Variants in KIAA1549 observed in about 807,000 individuals in gnomAD.
The protein encoded by KIAA1549 is UPF0606 protein KIAA1549.
Under a neutral mutation model 156.4 loss-of-function variants are expected in KIAA1549, and 70 were observed. The observed-to-expected ratio is 0.45, with a 90% CI of 0.37 to 0.55. The LOEUF is 0.55. KIAA1549 is among the 20% of genes least tolerant of loss of function. The probability of loss-of-function intolerance (pLI) is 0.00; values close to 1 mark genes in which losing one functional copy is unlikely to be tolerated. For synonymous variants in KIAA1549, 1,103 were observed against 1,066.4 expected, an observed-to-expected ratio of 1.03 and a Z score of -0.67; for missense variants, 2,428 against 2,540.9, an observed-to-expected ratio of 0.96 and a Z score of 0.96.
intron 1 of KIAA1549, among the ~76,000 whole-genome samples, chr7:138,966,745 A>T (rs1269878412): frequency 6.6e-6 from 1 of 152,070 alleles, no homozygotes. Flanking sequence ...CACACCCAGG[A>T]TCAATACTTT....
intron 17 of KIAA1549, among the ~76,000 whole-genome samples, chr7:138,847,491 T>G (rs1436115043): frequency 6.6e-6 from 1 of 152,242 alleles, no homozygotes; most frequent in African/African-American, 2.4e-5. Context: ...TACTTGGGTG[T>G]GACTTCTGGT....
chr7:138,889,750 T>C (rs968149784), intron 10 of KIAA1549, among the ~76,000 whole-genome samples: 2 of 152,262 alleles, frequency 1.3e-5, no homozygotes, highest in Admixed American at 1.3e-4. Context: ...CATCACCTTC[T>C]ATACCAATAG....
At chr7:138,841,131 G>A (rs550362703) in intron 18 of KIAA1549, among the ~76,000 whole-genome samples, 1 of 152,242 alleles carries the variant, frequency 6.6e-6, no homozygotes, top group East Asian at 1.9e-4. Context: ...ACAAGGAGCA[G>A]CTCATTTATT....
rs150261613 is a variant in KIAA1549, at chr7:138,871,593, G to A, written c.4346-231C>T. On this transcript the variant is annotated intron_variant, in intron 12 of 19. Coordinates refer to ENST00000422774, the MANE Select transcript of KIAA1549 (RefSeq NM_001164665.2). ...AATTACAAGTACCCTAAGAAGAGAC[G>A]TGAGGAAATCATTATGATACTGTGT... is the stretch of plus-strand genomic sequence containing the variant. Among the ~76,000 whole-genome samples, 797 of 152,306 alleles carry A rather than the reference G, an allele frequency of 5.2e-3. 9 individuals are homozygous for A. Among genetic ancestry groups the A allele is most frequent in the African/African-American group, 0.018 (758 of 41,548 alleles).
At chr7:138,896,634 A>C (rs1811692164) in intron 9 of KIAA1549, among the ~76,000 whole-genome samples, 2 of 150,774 alleles carry the variant, frequency 1.3e-5, no homozygotes, top group Admixed American at 1.3e-4. Flanking sequence ...TCACTCTATC[A>C]CTCAGGCTAG....
At chr7:138,941,452 G>A (rs1407809054) in intron 1 of KIAA1549, among the ~76,000 whole-genome samples, 1 of 152,188 alleles carries the variant, frequency 6.6e-6, no homozygotes, top group African/African-American at 2.4e-5. Context: ...AGATTAAGAA[G>A]TACTAAAATA....
chr7:138,975,956 C>G (rs1584796363), intron 1 of KIAA1549, among the ~76,000 whole-genome samples: 1 of 152,286 alleles, frequency 6.6e-6, no homozygotes, highest in Non-Finnish European at 1.5e-5. Flanking sequence ...AGCAGCTGTT[C>G]CCAAACGGGC....
intron 19 of KIAA1549, 55 bp from the exon 20 acceptor site, chr7:138,838,215 CA>C: frequency 7.0e-7 from 1 of 1,438,624 alleles, no homozygotes. Context: ...GCCGAAACAT[CA>C]AATGCAAACT....
chr7:138,979,255 G>A (rs552099803), intron 1 of KIAA1549, among the ~76,000 whole-genome samples: 3 of 152,358 alleles, frequency 2.0e-5, no homozygotes, highest in African/African-American at 7.2e-5. Context: ...GGGGAAGCAG[G>A]AAAGGACTTC....
chr7:138,894,772 T>C (rs937672328), intron 9 of KIAA1549, among the ~76,000 whole-genome samples: 5 of 152,226 alleles, frequency 3.3e-5, no homozygotes, highest in Admixed American at 1.3e-4. Context: ...GCTGAATTAA[T>C]GGCAAAGCTC....
At chr7:138,924,190 TTTTTC>T (rs1286158737) in intron 1 of KIAA1549, among the ~76,000 whole-genome samples, 3 of 148,096 alleles carry the variant, frequency 2.0e-5, no homozygotes, top group South Asian at 2.2e-4. Context: ...TTCTTTTTTT[TTTTTC>T]TTTTTTTTTT....
chr7:138,904,799 T>C (rs988741060), intron 7 of KIAA1549, among the ~76,000 whole-genome samples: 2 of 152,158 alleles, frequency 1.3e-5, no homozygotes, highest in Non-Finnish European at 1.5e-5. Flanking sequence ...TGCCCTGAAC[T>C]TGATGTATGA....
At chr7:138,943,721 C>T (rs1181509046) in intron 1 of KIAA1549, among the ~76,000 whole-genome samples, 2 of 151,938 alleles carry the variant, frequency 1.3e-5, no homozygotes, top group South Asian at 2.1e-4. Context: ...TAGTGGCGGG[C>T]ACCTGTAGTC....
chr7:138,868,234 G>C, intron 14 of KIAA1549, 106 bp from the exon 15 acceptor site: 1 of 1,085,776 alleles, frequency 9.2e-7, no homozygotes, highest in Non-Finnish European at 1.3e-6. Context: ...GCTACCCCTG[G>C]AAACACCCCA....
At chr7:138,869,273 G>A (rs776238377) in intron 14 of KIAA1549, among the ~76,000 whole-genome samples, 22 of 152,330 alleles carry the variant, frequency 1.4e-4, no homozygotes, top group East Asian at 3.9e-4. Flanking sequence ...GAAATGCCCC[G>A]AGGCAGGCAG....
chr7:138,864,624 T>C (rs1475883381), intron 15 of KIAA1549, among the ~76,000 whole-genome samples: 3 of 152,228 alleles, frequency 2.0e-5, no homozygotes, highest in African/African-American at 4.8e-5. Flanking sequence ...TTTCACTGTT[T>C]ACGGATTTTG....
At chr7:138,851,257 T>G (rs1810223653) in intron 17 of KIAA1549, among the ~76,000 whole-genome samples, 2 of 152,196 alleles carry the variant, frequency 1.3e-5, no homozygotes, top group Non-Finnish European at 2.9e-5. Flanking sequence ...TTCTTTTTTC[T>G]CCTATTTCCT....
chr7:138,917,835 T>C lies in KIAA1549; in HGVS notation c.1791A>G (p.Ser597=), dbSNP rs752987108. Residue 597 remains serine (S), a synonymous_variant, in exon 2 of 20, where the codon TCA becomes TCG. Transcript: ENST00000422774. ...GGTCAGAGAAAAGTGAAGACTCCAC[T>C]GAAGGAACCAGACTATAAGGCGTAA... is the stretch of plus-strand genomic sequence containing the variant. ...SVFTPYSLVP[S]VESSLFSDQE... is the part of the protein sequence containing the mutation. 15 of 1,601,196 alleles carry C rather than the reference T, an allele frequency of 9.4e-6. No individual in the cohort carries two copies. The highest frequency in any genetic ancestry group is 1.6e-4 in the Middle Eastern group (1 of 6,080).
chr7:138,930,391 C>A (rs1812836770), intron 1 of KIAA1549, among the ~76,000 whole-genome samples: 1 of 152,214 alleles, frequency 6.6e-6, no homozygotes, highest in Non-Finnish European at 1.5e-5. Context: ...TCCTTTGAAG[C>A]TCTGAAGCCA....
Sources: gnomAD v4.1 joint callset for allele counts (sites outside exome capture counted in the v4.1 genomes callset) on GRCh38, gnomAD v4.1.1 for gene constraint, MANE v1.5 for transcripts, NCBI Gene and HGNC (gene_info 2026-07-23, HGNC 2026-07-21) for gene names.